Variants in FAM98A observed in about 807,000 individuals in gnomAD.
The protein encoded by FAM98A is protein FAM98A.
FAM98A carries 25 observed loss-of-function variants against 62.9 expected under a neutral mutation model. The observed-to-expected ratio is 0.40, with a 90% confidence interval of 0.29 to 0.56. FAM98A has a LOEUF of 0.56. Ranked by LOEUF, FAM98A falls within the 20% of genes least tolerant of loss-of-function variation. The probability of loss-of-function intolerance (pLI) is 0.51; values close to 1 mark genes in which losing one functional copy is unlikely to be tolerated. For missense variants in FAM98A, 653 were observed against 640.7 expected (o/e 1.02, Z -0.21); for synonymous variants, 252 against 228.6 (o/e 1.10, Z -0.92).
intron 2 of FAM98A, among the ~76,000 whole-genome samples, chr2:33,592,942 C>T (rs186078647): frequency 4.2e-4 from 64 of 152,290 alleles, no homozygotes; most frequent in Admixed American, 1.8e-3. Flanking sequence ...AAGTTATTCC[C>T]TGTGACAGAT....
At chr2:33,591,981 T>C in intron 3 of FAM98A, 99 bp downstream of exon 3, 1 of 1,080,534 alleles carries the variant, frequency 9.3e-7, no homozygotes, top group Non-Finnish European at 1.3e-6. Flanking sequence ...TGAATTACAT[T>C]CATAATGAAA....
In FAM98A at chr2:33,586,779, G is replaced by C. The variant is rs187875880; in HGVS notation, c.604-101C>G. 2.8e-5 allele frequency: 20 copies of C among 720,334 alleles called. No homozygotes were observed. The East Asian group carries it at 5.0e-4, about 18-fold the overall frequency. The allele number at this position is 720,334 out of a possible 1,614,324, so 44.6% of individuals were successfully genotyped here. A position where few individuals can be genotyped will look rare whatever the true frequency, so the allele number is the denominator to read the frequency against. ...CTGTGTCATTCATAACTGAGATCCC[G>C]GCCATTTAACAGTCAAAAGTTCTTA... On this transcript the variant is annotated intron_variant, in intron 5 of 7. Transcript: ENST00000238823.
intron 2 of FAM98A, among the ~76,000 whole-genome samples, chr2:33,593,365 C>T (rs1489834355): frequency 7.2e-5 from 11 of 152,198 alleles, no homozygotes; most frequent in African/African-American, 2.4e-4. Context: ...GATCGCGCCA[C>T]TGCACTTCAG....
At chr2:33,590,310 C>T (rs1445780824) in intron 3 of FAM98A, among the ~76,000 whole-genome samples, 2 of 152,106 alleles carry the variant, frequency 1.3e-5, no homozygotes, top group Non-Finnish European at 1.5e-5. Context: ...AAAGGCTATT[C>T]TATTTTTCCA....
chr2:33,584,735 T>C lies in FAM98A; in HGVS notation c.*41A>G. The C allele has an allele frequency of 6.6e-7, 1 of 1,506,318 alleles. No homozygotes were observed. Among genetic ancestry groups the C allele is most frequent in the Non-Finnish European group, 9.0e-7 (1 of 1,113,844 alleles). The allele number at this position is 1,506,318 out of a possible 1,614,324, so 93.3% of individuals were successfully genotyped here. A position where few individuals can be genotyped will look rare whatever the true frequency, so the allele number is the denominator to read the frequency against. ...GAATTCAGGATTCTGAAACTAAGTTTCTATTACTTGAGCTCTAGCAAAATG... is the reference window on the plus strand; with the variant it reads ...GAATTCAGGATTCTGAAACTAAGTTCCTATTACTTGAGCTCTAGCAAAATG... On this transcript the variant is annotated 3_prime_UTR_variant, in exon 8 of 8. Transcript: ENST00000238823.
In FAM98A at chr2:33,584,453, C is replaced by CTTATTCAAGT. The variant is rs1320395164; in HGVS notation, c.*313_*322dup. The stretch of plus-strand genomic sequence containing the variant: ...CTGCATATTGAAAACATGAAAACTA[C>CTTATTCAAGT]TTATTCAAGTAATTTCTTCAAAAAA... On this transcript the variant is annotated 3_prime_UTR_variant, in exon 8 of 8. Coordinates refer to ENST00000238823, the MANE Select transcript of FAM98A (RefSeq NM_015475.5). 5 of 295,830 alleles carry CTTATTCAAGT rather than the reference C, an allele frequency of 1.7e-5. No individual in the cohort carries two copies. 18.3% of individuals were successfully genotyped at this position (295,830 alleles called of 1,614,324 possible).
chr2:33,592,921 TG>T (rs1488637698), intron 2 of FAM98A, among the ~76,000 whole-genome samples: 2 of 152,220 alleles, frequency 1.3e-5, no homozygotes, highest in Non-Finnish European at 2.9e-5. Context: ...TTCCACTCTG[TG>T]CCTTCATTTA....
rs751095302 is a variant in FAM98A at position 33,588,488 on chromosome 2, T to C, written c.369A>G (p.Arg123=). 1.2e-6 allele frequency: 2 copies of C among 1,613,702 alleles called. No homozygotes were observed. Among genetic ancestry groups the C allele is most frequent in the East Asian group, 4.5e-5 (2 of 44,822 alleles). Residue 123 remains arginine, a synonymous_variant, in exon 4 of 8, where the codon AGA becomes AGG. Coordinates refer to ENST00000238823, the MANE Select transcript of FAM98A (RefSeq NM_015475.5). The part of the protein sequence containing the change: ...TYLISELEAA[R]MLCVNAPPKK... ...TTGGAGGAGCATTCACACAGAGCAT[T>C]CTGGCAGCTTCTAGTTCTGAGATGA...
chr2:33,599,034 G>C (rs964255686), intron 1 of FAM98A, 135 bp downstream of exon 1: 6 of 763,592 alleles, frequency 7.9e-6, no homozygotes, highest in African/African-American at 3.4e-5. Context: ...GGGGGTGCCG[G>C]GGCCAAAGGG....
intron 5 of FAM98A, 98 bp from the exon 6 acceptor site, chr2:33,586,776 C>CAGT: frequency 4.1e-6 from 3 of 733,252 alleles, no homozygotes; most frequent in Admixed American, 2.2e-5. Flanking sequence ...TAACTGAGAT[C>CAGT]CCGGCCATTT....
rs375081223 is a variant in FAM98A, at chr2:33,584,836, C to T, written c.1497G>A (p.Gln499=). The change falls in exon 8 of 8, where the codon CAG becomes CAA. Residue 499 remains glutamine (Q), a synonymous_variant. Transcript: ENST00000238823. ...AATGATTATACTGATAACCTCCATG[C>T]TGGAAATGCTGTTCAAATTGACCCC... ...HQGGQFEQHF[Q]HGGYQYNHSG... 1.7e-5 allele frequency: 27 copies of T among 1,614,126 alleles called. No individual in the cohort carries two copies. The African/African-American group carries it at 2.9e-4, about 18-fold the overall frequency.
chr2:33,584,991 A>G lies in FAM98A; in HGVS notation c.1342T>C (p.Tyr448His). 1 of 1,613,422 alleles carries G rather than the reference A, an allele frequency of 6.2e-7. No individual in the cohort carries two copies. Among genetic ancestry groups the G allele is most frequent in the Non-Finnish European group, 8.5e-7 (1 of 1,179,890 alleles). ...TCACCATGGTGCCCGCCATCTTGGT[A>G]TCTATTGTCCTGCTGGTAGCCACCA... is the stretch of plus-strand genomic sequence containing the variant. ...QGGGYQQDNR[Y>H]QDGGHHGDRG... is the part of the protein sequence containing the mutation. The change falls in exon 8 of 8, where the codon TAC becomes CAC. Residue 448 changes from tyrosine (Y) to histidine (H), a missense_variant. Tyr to His is a moderately conservative substitution (Grantham distance 83). Coordinates refer to ENST00000238823, the MANE Select transcript of FAM98A (RefSeq NM_015475.5).
chr2:33,588,900 A>ATT (rs71974313), intron 3 of FAM98A: 86 of 150,808 alleles, frequency 5.7e-4, no homozygotes, highest in Middle Eastern at 3.4e-3. Context: ...ATGACAATTA[A>ATT]TTTTTTTTTT....
intron 6 of FAM98A, 113 bp from the exon 7 acceptor site, chr2:33,585,810 T>TTTATATTA: frequency 1.0e-6 from 1 of 954,808 alleles, no homozygotes; most frequent in Admixed American, 2.4e-5. Flanking sequence ...TTTACTAGGC[T>TTTATATTA]CTAGATGGTA....
chr2:33,590,962 T>C (rs2151145172), intron 3 of FAM98A, among the ~76,000 whole-genome samples: 1 of 152,272 alleles, frequency 6.6e-6, no homozygotes, highest in Non-Finnish European at 1.5e-5. Context: ...GGATAAGCAA[T>C]GCTATAAAGG....
chr2:33,585,002 T>C lies in FAM98A; in HGVS notation c.1331A>G (p.Gln444Arg), dbSNP rs1481323591. 1.2e-6 allele frequency: 2 copies of C among 1,614,130 alleles called. No homozygotes were observed. The highest frequency in any genetic ancestry group is 1.7e-5 in the Admixed American group (1 of 60,012). ...GSGYQGGGYQ[Q>R]DNRYQDGGHH... is the part of the protein sequence containing the mutation. ...CCCGCCATCTTGGTATCTATTGTCC[T>C]GCTGGTAGCCACCACCCTGGTATCC... is the stretch of plus-strand genomic sequence containing the variant. The change falls in exon 8 of 8, where the codon CAG (glutamine) becomes CGG (arginine). Residue 444 changes from glutamine to arginine, a missense_variant. Transcript: ENST00000238823.
At chr2:33,590,404 A>G (rs10188817) in intron 3 of FAM98A, among the ~76,000 whole-genome samples, 64,171 of 151,986 alleles carry the variant, frequency 0.42, 15,461 homozygotes, top group Admixed American at 0.53. Context: ...GGGTGCTGGA[A>G]AAGTAAAATT....
At chr2:33,598,926 C>T (rs1384840068) in intron 1 of FAM98A, among the ~76,000 whole-genome samples, 3 of 152,082 alleles carry the variant, frequency 2.0e-5, no homozygotes, top group Non-Finnish European at 2.9e-5. Context: ...GACTGACAAA[C>T]GCTGCGGGTA....
rs769316364 is a variant in FAM98A, at chr2:33,584,980, G to A, written c.1353C>T (p.Gly451=). ...GYQQDNRYQD[G]GHHGDRGGGR... ...CACCACCACGATCACCATGGTGCCC[G>A]CCATCTTGGTATCTATTGTCCTGCT... Residue 451 remains glycine (G), a synonymous_variant, in exon 8 of 8, where the codon GGC becomes GGT. Transcript: ENST00000238823. 9 of 1,613,574 alleles carry A rather than the reference G, an allele frequency of 5.6e-6. No individual in the cohort carries two copies. The highest frequency in any genetic ancestry group is 4.5e-5 in the East Asian group (2 of 44,828).
Sources: gnomAD v4.1 joint callset for allele counts (sites outside exome capture counted in the v4.1 genomes callset) on GRCh38, gnomAD v4.1.1 for gene constraint, MANE v1.5 for transcripts, NCBI Gene and HGNC (gene_info 2026-07-23, HGNC 2026-07-21) for gene names.